The following SEC14L1 variants were observed in gnomAD, a reference collection of about 807,000 sequenced individuals.
SEC14L1 encodes SEC14-like protein 1.
SEC14L1 carries 48 observed loss-of-function variants against 85.3 expected under a neutral mutation model. The observed-to-expected ratio is 0.56, with a 90% confidence interval of 0.45 to 0.72. The LOEUF (loss-of-function observed/expected upper bound fraction) is 0.72. SEC14L1 is among the 30% of genes least tolerant of loss of function. The pLI is 0.00. For synonymous variants in SEC14L1, 391 were observed against 355.5 expected, an observed-to-expected ratio of 1.10 and a Z score of -1.12; for missense variants, 682 against 921.4, an observed-to-expected ratio of 0.74 and a Z score of 3.36.
chr17:77,161,252 C>T (rs1284376887), intron 3 of SEC14L1, among the ~76,000 whole-genome samples: 1 of 152,170 alleles, frequency 6.6e-6, no homozygotes, highest in Non-Finnish European at 1.5e-5. Flanking sequence ...TTTGGGAGGC[C>T]AAGGCAGGCA....
At chr17:77,138,265 A>G (rs1443306283), upstream of SEC14L1, among the ~76,000 whole-genome samples, 1 of 152,128 alleles carries the variant, frequency 6.6e-6, no homozygotes, top group Non-Finnish European at 1.5e-5. Context: ...TGACTCCTAA[A>G]CCATAATTTC....
At chr17:77,091,225 T>C (rs992910636) in intron 2 of SEC14L1, among the ~76,000 whole-genome samples, 1 of 152,068 alleles carries the variant, frequency 6.6e-6, no homozygotes, top group Non-Finnish European at 1.5e-5. Flanking sequence ...ATAGCTGAGA[T>C]TACAGGCGCA....
chr17:77,096,698 T>C (rs1361840528), intron 3 of SEC14L1, among the ~76,000 whole-genome samples: 1 of 152,228 alleles, frequency 6.6e-6, no homozygotes, highest in African/African-American at 2.4e-5. Context: ...CTGATGTAAC[T>C]TGGTATAGAG....
chr17:77,209,536 C>G, intron 14 of SEC14L1, 60 bp downstream of exon 14: 2 of 1,564,936 alleles, frequency 1.3e-6, no homozygotes, highest in East Asian at 2.3e-5. Context: ...GCCTGGCCCT[C>G]GCAGGGCTTC....
At chr17:77,198,631 G>A (rs1975942014) in intron 8 of SEC14L1, among the ~76,000 whole-genome samples, 1 of 151,004 alleles carries the variant, frequency 6.6e-6, no homozygotes, top group Non-Finnish European at 1.5e-5. Flanking sequence ...CTGGAGTGCA[G>A]TGGCGCGATC....
At chr17:77,147,920 G>A (rs532076555) in intron 3 of SEC14L1, among the ~76,000 whole-genome samples, 1 of 152,098 alleles carries the variant, frequency 6.6e-6, no homozygotes, top group Non-Finnish European at 1.5e-5. Flanking sequence ...CCTGGCTTGC[G>A]GGGAGGAGAA....
chr17:77,173,007 C>T (rs1175217137), intron 3 of SEC14L1, among the ~76,000 whole-genome samples: 3 of 152,182 alleles, frequency 2.0e-5, no homozygotes, highest in African/African-American at 7.2e-5. Context: ...ATGCTCCTGT[C>T]TTCTCCTAAA....
At chr17:77,156,249 C>G (rs1739657970) in intron 3 of SEC14L1, among the ~76,000 whole-genome samples, 1 of 152,060 alleles carries the variant, frequency 6.6e-6, no homozygotes, top group Non-Finnish European at 1.5e-5. Context: ...CCAGTGTTCC[C>G]AGGGTGAGAA....
At chr17:77,094,263 C>G (rs564070742) in intron 3 of SEC14L1, 2 of 152,064 alleles carry the variant, frequency 1.3e-5, no homozygotes, top group South Asian at 4.2e-4. Context: ...GGTGATCCAC[C>G]TGCCTTGGCC....
intron 3 of SEC14L1, among the ~76,000 whole-genome samples, chr17:77,172,219 A>C (rs926558102): frequency 5.3e-5 from 8 of 152,268 alleles, no homozygotes; most frequent in Admixed American, 5.2e-4. Flanking sequence ...CTCTAAATTT[A>C]TCAAGGGCTC....
At chr17:77,119,432 C>T (rs1186010198) in intron 3 of SEC14L1, among the ~76,000 whole-genome samples, 1 of 151,946 alleles carries the variant, frequency 6.6e-6, no homozygotes, top group East Asian at 1.9e-4. Flanking sequence ...AAGGATGTTT[C>T]AAATCACACC....
intron 9 of SEC14L1, 55 bp from the exon 10 acceptor site, chr17:77,203,515 T>C (rs1383899367): frequency 6.9e-7 from 1 of 1,441,914 alleles, no homozygotes; most frequent in African/African-American, 1.4e-5. Context: ...TAGAGTTGTA[T>C]CCTCAGTTTC....
chr17:77,157,907 C>A (rs1973881243), intron 3 of SEC14L1, among the ~76,000 whole-genome samples: 1 of 152,040 alleles, frequency 6.6e-6, no homozygotes, highest in African/African-American at 2.4e-5. Flanking sequence ...ATCATGTTTT[C>A]ATGTGACGGA....
At chr17:77,126,134 G>A (rs1355447511) in intron 3 of SEC14L1, among the ~76,000 whole-genome samples, 1 of 152,264 alleles carries the variant, frequency 6.6e-6, no homozygotes, top group Non-Finnish European at 1.5e-5. Flanking sequence ...CTGGGTGACA[G>A]AGCGAGACTC....
intron 10 of SEC14L1, among the ~76,000 whole-genome samples, chr17:77,204,571 G>C (rs948442186): frequency 4.4e-5 from 5 of 112,572 alleles, no homozygotes; most frequent in East Asian, 2.8e-4. Context: ...GTCTTACTCT[G>C]TTGCTGAGGC....
At chr17:77,171,332 T>C (rs1334903503) in intron 3 of SEC14L1, among the ~76,000 whole-genome samples, 3 of 152,188 alleles carry the variant, frequency 2.0e-5, no homozygotes, top group African/African-American at 7.2e-5. Flanking sequence ...CTTTGGCTCC[T>C]ATTTCATTTA....
intron 3 of SEC14L1, among the ~76,000 whole-genome samples, chr17:77,153,672 CT>C (rs1973672816): frequency 6.6e-6 from 1 of 151,988 alleles, no homozygotes; most frequent in East Asian, 1.9e-4. Context: ...TGGCCTGGGG[CT>C]GAGGAGGTGG....
rs1975717405 is a variant in SEC14L1, at chr17:77,194,768, C to A, written c.566C>A (p.Ser189Tyr). 2 of 1,614,236 alleles carry A rather than the reference C, an allele frequency of 1.2e-6. No individual in the cohort carries two copies. Among genetic ancestry groups the A allele is most frequent in the African/African-American group, 2.7e-5 (2 of 75,058 alleles). The change falls in exon 7 of 17, where the codon TCT becomes TAT. Residue 189 changes from serine to tyrosine, a missense_variant. Around this residue, in one of 3 missense-constraint regions of SEC14L1, gnomAD observed 123 missense variants for 100.6 expected, o/e 1.22. Coordinates refer to ENST00000436233, the MANE Select transcript of SEC14L1 (RefSeq NM_001143998.2). ...PRWSPPSITT[S>Y]SETSSSSSKK... ...TGGAGTCCGCCTTCCATCACGACCTCTTCAGAGACATCTTCATCATCCTCC... is the reference window on the plus strand; with the variant it reads ...TGGAGTCCGCCTTCCATCACGACCTATTCAGAGACATCTTCATCATCCTCC...
chr17:77,156,513 T>C (rs1598314093), intron 3 of SEC14L1, among the ~76,000 whole-genome samples: 1 of 151,416 alleles, frequency 6.6e-6, no homozygotes, highest in East Asian at 1.9e-4. Context: ...AGGCTGAGGT[T>C]GCAGTGAGCT....
Sources: allele counts gnomAD v4.1 joint callset (sites outside exome capture counted in the v4.1 genomes callset), GRCh38; gene constraint gnomAD v4.1.1; regional missense constraint gnomAD v4.1.1; transcripts MANE v1.5; gene names NCBI Gene and HGNC (gene_info 2026-07-23, HGNC 2026-07-21).